LHFPL2: variants seen among roughly 807,000 people sequenced by gnomAD.
The protein encoded by LHFPL2 is LHFPL tetraspan subfamily member 2, also known as LHFPL tetraspan subfamily member 2 protein.
A neutral mutation model predicts 17.5 loss-of-function variants in LHFPL2; 7 were observed. The ratio of observed to expected loss-of-function variants is 0.40; its 90% confidence interval spans 0.23 to 0.75. The LOEUF is 0.75. Ranked by LOEUF, LHFPL2 falls within the 30% of genes least tolerant of loss-of-function variation. The probability of loss-of-function intolerance (pLI) is 0.37; values close to 1 mark genes in which losing one functional copy is unlikely to be tolerated. For synonymous variants in LHFPL2, 134 were observed against 116.2 expected (o/e 1.15, Z -0.99); for missense variants, 241 against 294.8 (o/e 0.82, Z 1.34).
chr5:78,614,508 TCA>T (rs1744530683), intron 2 of LHFPL2, among the ~76,000 whole-genome samples: 1 of 152,262 alleles, frequency 6.6e-6, no homozygotes, highest in Non-Finnish European at 1.5e-5. Flanking sequence ...CAAGTGGTTC[TCA>T]CAGTTATCTG....
At chr5:78,609,467 AAAAAAAAAAG>A (rs1286312822) in intron 2 of LHFPL2, among the ~76,000 whole-genome samples, 1 of 150,852 alleles carries the variant, frequency 6.6e-6, no homozygotes, top group African/African-American at 2.4e-5. Context: ...AAAAAAAAAA[AAAAAAAAAAG>A]AGAGAGAGCT....
intron 3 of LHFPL2, among the ~76,000 whole-genome samples, chr5:78,554,929 A>C (rs530201198): frequency 7.2e-5 from 11 of 152,348 alleles, no homozygotes; most frequent in African/African-American, 2.2e-4. Flanking sequence ...ATATTTTGCT[A>C]TATTAATAAA....
rs185377382 is a variant in LHFPL2 at position 78,553,046 on chromosome 5, G to A, written c.-186+11767C>T. Among the ~76,000 whole-genome samples, 559 of 152,290 alleles carry A rather than the reference G, an allele frequency of 3.7e-3. 3 individuals are homozygous for A. The highest frequency in any genetic ancestry group is 8.3e-3 in the South Asian group (40 of 4,830). On this transcript the variant is annotated intron_variant, in intron 3 of 4. Coordinates refer to ENST00000380345, the MANE Select transcript of LHFPL2 (RefSeq NM_005779.3). ...GATGTGAGTCAACAGAAATGGGTTCGCCACAAATGGTGCATGCCTTTGGAC... is the reference window on the plus strand; with the variant it reads ...GATGTGAGTCAACAGAAATGGGTTCACCACAAATGGTGCATGCCTTTGGAC...
intron 3 of LHFPL2, among the ~76,000 whole-genome samples, chr5:78,545,119 T>C (rs1756231574): frequency 6.6e-6 from 1 of 152,200 alleles, no homozygotes; most frequent in Non-Finnish European, 1.5e-5. Context: ...CTTGTCACTG[T>C]GAGGCGGATC....
chr5:78,621,791 G>A lies in LHFPL2; in HGVS notation c.-245+10473C>T, dbSNP rs1223587971. Among the ~76,000 whole-genome samples, 6 of 152,272 alleles carry A rather than the reference G, an allele frequency of 3.9e-5. No individual in the cohort carries two copies. In the East Asian group the frequency reaches 1.2e-3, roughly 29 times the overall value. On this transcript the variant is annotated intron_variant, in intron 2 of 4. Coordinates refer to ENST00000380345, the MANE Select transcript of LHFPL2 (RefSeq NM_005779.3). Reference sequence around the variant, plus strand: ...GCAGAACTGTTAGCAGGTCAGGCCTGTTAATGGTGTGTGATACATTGCTAT... The same window carrying A: ...GCAGAACTGTTAGCAGGTCAGGCCTATTAATGGTGTGTGATACATTGCTAT...
intron 3 of LHFPL2, among the ~76,000 whole-genome samples, chr5:78,519,315 C>T (rs1411085951): frequency 6.6e-6 from 1 of 152,218 alleles, no homozygotes; most frequent in Admixed American, 6.5e-5. Context: ...AACCATTTCT[C>T]ACAGCCCTGA....
chr5:78,494,282 G>A, intron 4 of LHFPL2: 2 of 773,864 alleles, frequency 2.6e-6, no homozygotes, highest in Non-Finnish European at 3.1e-6. Context: ...GAAATGGGGG[G>A]GAGAATGACA....
In LHFPL2 at chr5:78,488,920, T is replaced by G; in HGVS notation, c.664A>C (p.Lys222Gln). The G allele has an allele frequency of 2.5e-6, 4 of 1,614,182 alleles. No homozygotes were observed. The highest frequency in any genetic ancestry group is 3.4e-6 in the Non-Finnish European group (4 of 1,180,002). Residue 222 changes from lysine (K) to glutamine (Q), a missense_variant, in exon 5 of 5, where the codon AAA becomes CAA. Coordinates refer to ENST00000380345, the MANE Select transcript of LHFPL2 (RefSeq NM_005779.3). ...AACTAAAGGAGGCAGATCAGATTTT[T>G]CCCCTCTTCAATTTCTTCCTGTACT... ...DKVQEEIEEG[K>Q]NLICLL
At chr5:78,565,288 C>T (rs1037524362) in intron 2 of LHFPL2, among the ~76,000 whole-genome samples, 9 of 152,210 alleles carry the variant, frequency 5.9e-5, no homozygotes, top group Non-Finnish European at 8.8e-5. Flanking sequence ...CCTAGCAGCA[C>T]TTTATATCCT....
chr5:78,648,461 C>G lies in LHFPL2; in HGVS notation c.-350+38G>C, dbSNP rs562760893. On this transcript the variant is annotated intron_variant, in intron 1 of 4. Coordinates refer to ENST00000380345, the MANE Select transcript of LHFPL2 (RefSeq NM_005779.3). The surrounding 1 kb of genome is among the most constrained non-coding windows in gnomAD (Gnocchi z 5.4). ...CCTGGCCGGGCCCACCGGCTCTCCC[C>G]TCCCGCAGCGCGCGCGGGCCCGACG... 6.6e-6 allele frequency: 1 copy of G among 151,766 alleles called. No individual in the cohort carries two copies. Among genetic ancestry groups the G allele is most frequent in the East Asian group, 1.9e-4 (1 of 5,130 alleles). The allele number at this position is 151,766 out of a possible 1,614,324, so 9.4% of individuals were successfully genotyped here. A position where few individuals can be genotyped will look rare whatever the true frequency, so the allele number is the denominator to read the frequency against.
At chr5:78,583,839 G>C (rs1325443525) in intron 2 of LHFPL2, among the ~76,000 whole-genome samples, 1 of 149,678 alleles carries the variant, frequency 6.7e-6, no homozygotes, top group Non-Finnish European at 1.5e-5. Context: ...TGCCTTGCTA[G>C]ATTGGGGAAG....
intron 3 of LHFPL2, among the ~76,000 whole-genome samples, chr5:78,535,618 T>C (rs1405907235): frequency 6.6e-6 from 1 of 152,158 alleles, no homozygotes; most frequent in East Asian, 1.9e-4. Context: ...CTCCACCTGC[T>C]AGCTCAGCTC....
intron 1 of LHFPL2, among the ~76,000 whole-genome samples, chr5:78,639,177 T>C (rs916236593): frequency 2.0e-4 from 30 of 152,188 alleles, no homozygotes; most frequent in East Asian, 5.8e-4. Flanking sequence ...ACCACCACCA[T>C]TGGGGTTCTT....
At chr5:78,606,735 C>G (rs922793566) in intron 2 of LHFPL2, among the ~76,000 whole-genome samples, 1 of 152,168 alleles carries the variant, frequency 6.6e-6, no homozygotes, top group Non-Finnish European at 1.5e-5. Flanking sequence ...AGTGCAATGG[C>G]GTGATCTTGG....
chr5:78,603,448 G>T (rs538153750), intron 2 of LHFPL2, among the ~76,000 whole-genome samples: 1 of 152,288 alleles, frequency 6.6e-6, no homozygotes, highest in Non-Finnish European at 1.5e-5. Context: ...TGTCCTCAGA[G>T]GGCTCTTGAA....
intron 4 of LHFPL2, among the ~76,000 whole-genome samples, chr5:78,508,271 A>C (rs1301378877): frequency 2.0e-5 from 3 of 152,174 alleles, no homozygotes; most frequent in Non-Finnish European, 4.4e-5. Flanking sequence ...GCTAATGAGG[A>C]GCAATGCTGA....
intron 2 of LHFPL2, among the ~76,000 whole-genome samples, chr5:78,566,013 T>C (rs551310624): frequency 1.3e-5 from 2 of 152,234 alleles, no homozygotes; most frequent in Non-Finnish European, 2.9e-5. Context: ...AGTAAATATT[T>C]AGAAAAAAAG....
chr5:78,558,888 G>A (rs1374885055), intron 3 of LHFPL2, among the ~76,000 whole-genome samples: 1 of 152,064 alleles, frequency 6.6e-6, no homozygotes, highest in Non-Finnish European at 1.5e-5. Flanking sequence ...CAAAAGAACT[G>A]AGCCACAACA....
intron 3 of LHFPL2, among the ~76,000 whole-genome samples, chr5:78,526,065 C>T (rs1384006643): frequency 6.6e-6 from 1 of 152,110 alleles, no homozygotes; most frequent in Non-Finnish European, 1.5e-5. Context: ...ACTAGCTGTT[C>T]CCCGGCCCCT....
Sources: allele counts gnomAD v4.1 joint callset (sites outside exome capture counted in the v4.1 genomes callset), GRCh38; gene constraint gnomAD v4.1.1; non-coding constraint Gnocchi (gnomAD v3.1); transcripts MANE v1.5; gene names NCBI Gene and HGNC (gene_info 2026-07-23, HGNC 2026-07-21).